Variants in SPAG17 observed in about 807,000 individuals in gnomAD.
SPAG17 encodes sperm associated antigen 17.
SPAG17 carries 169 observed loss-of-function variants against 273.6 expected under a neutral mutation model. The ratio of observed to expected loss-of-function variants is 0.62; its 90% CI spans 0.55 to 0.70. SPAG17 has a LOEUF of 0.70. Among genes scored for constraint, SPAG17 ranks in the 30% least tolerant of loss-of-function variants. SPAG17 has a pLI of 0.00. For missense variants in SPAG17, 2,557 were observed against 2,627.8 expected (o/e 0.97, Z 0.59); for synonymous variants, 825 against 873.2 (o/e 0.94, Z 0.97).
In SPAG17 at chr1:118,048,598, A is replaced by G. The variant is rs1423960029; in HGVS notation, c.2814+5404T>C. On this transcript the variant is annotated intron_variant, in intron 20 of 48. Coordinates refer to ENST00000336338, the MANE Select transcript of SPAG17 (RefSeq NM_206996.4). The stretch of plus-strand genomic sequence containing the variant: ...AGGAGGAGACATTACAAATGGTACC[A>G]AAGAAATACAAAGGATCAGCCGGGC... Among the ~76,000 whole-genome samples the G allele has an allele frequency of 2.0e-5, 3 of 152,212 alleles. No individual in the cohort carries two copies. The East Asian group carries it at 5.8e-4, about 29-fold the overall frequency.
At chr1:118,121,580 C>T (rs1657422781) in intron 3 of SPAG17, among the ~76,000 whole-genome samples, 1 of 152,040 alleles carries the variant, frequency 6.6e-6, no homozygotes, top group Non-Finnish European at 1.5e-5. Flanking sequence ...TAGTTGTGTG[C>T]TCCTTATGAG....
chr1:118,068,835 C>A (rs1290155669), intron 17 of SPAG17, among the ~76,000 whole-genome samples: 1 of 152,210 alleles, frequency 6.6e-6, no homozygotes, highest in African/African-American at 2.4e-5. Flanking sequence ...CCCAGGCTGG[C>A]CCCTAAAGCT....
intron 32 of SPAG17, among the ~76,000 whole-genome samples, chr1:118,000,739 TC>T (rs1658184893): frequency 1.3e-5 from 2 of 152,216 alleles, no homozygotes; most frequent in Admixed American, 1.3e-4. Context: ...GATGGGGTTT[TC>T]TAAATATACA....
intron 3 of SPAG17, among the ~76,000 whole-genome samples, chr1:118,120,474 G>A (rs1657360339): frequency 6.6e-6 from 1 of 152,006 alleles, no homozygotes; most frequent in South Asian, 2.1e-4. Flanking sequence ...CTTATTTTAT[G>A]CCCAAACTGA....
intron 43 of SPAG17, among the ~76,000 whole-genome samples, chr1:117,977,139 G>T (rs538318491): frequency 6.9e-6 from 1 of 145,846 alleles, no homozygotes; most frequent in Non-Finnish European, 1.5e-5. Context: ...GTGAAACCCC[G>T]TCTCTACTAA....
chr1:118,013,381 C>T (rs949836719), intron 29 of SPAG17, among the ~76,000 whole-genome samples: 1 of 152,034 alleles, frequency 6.6e-6, no homozygotes, highest in Non-Finnish European at 1.5e-5. Flanking sequence ...AAATGAATGC[C>T]GATCATTATT....
At chr1:118,108,469 A>C (rs1217810531) in intron 4 of SPAG17, among the ~76,000 whole-genome samples, 3 of 152,148 alleles carry the variant, frequency 2.0e-5, no homozygotes, top group Admixed American at 6.5e-5. Flanking sequence ...CTAAGTTATA[A>C]ACTCAAGTTA....
chr1:118,125,245 A>ATATATATTTTTTT (rs146004766), intron 3 of SPAG17, among the ~76,000 whole-genome samples: 1 of 150,750 alleles, frequency 6.6e-6, no homozygotes, highest in African/African-American at 2.5e-5. Context: ...ATATATATAT[A>ATATATATTTTTTT]TTTTTGACAT....
At position 118,152,162 on chromosome 1, in the gene SPAG17, C is replaced by T. The variant is rs184452631; in HGVS notation, c.88-793G>A. ...TAGGGAGAGATGAAACAAACAAACACGATAAAGACATCAGAAAAGAGAGGG... is the reference window on the plus strand; with the variant it reads ...TAGGGAGAGATGAAACAAACAAACATGATAAAGACATCAGAAAAGAGAGGG... On this transcript the variant is annotated intron_variant, in intron 1 of 48. Coordinates refer to ENST00000336338, the MANE Select transcript of SPAG17 (RefSeq NM_206996.4). 9.2e-5 allele frequency among the ~76,000 whole-genome samples: 14 copies of T among 152,102 alleles called. No homozygotes were observed. The East Asian group carries it at 2.1e-3, about 23-fold the overall frequency.
intron 3 of SPAG17, among the ~76,000 whole-genome samples, chr1:118,132,593 T>C (rs1316209223): frequency 6.6e-6 from 1 of 152,326 alleles, no homozygotes; most frequent in Non-Finnish European, 1.5e-5. Context: ...TAGCTTTGTG[T>C]AATGGTAAAC....
At chr1:118,180,541 T>C (rs1660892921) in intron 1 of SPAG17, among the ~76,000 whole-genome samples, 1 of 152,106 alleles carries the variant, frequency 6.6e-6, no homozygotes, top group South Asian at 2.1e-4. Context: ...AGAGTGACTA[T>C]AATTTACAAT....
chr1:118,085,930 CAAAAGTGCATAAGCTCATG>C lies in SPAG17; in HGVS notation c.1735_1753del (p.His579ValfsTer6), dbSNP rs574016418. The C allele has an allele frequency of 1.7e-5, 27 of 1,603,914 alleles. No individual in the cohort carries two copies. In the African/African-American group the frequency reaches 3.4e-4, roughly 20 times the overall value. ...CAAAGCAATGGACTCACCACTCGTACAAAAGTGCATAAGCTCATGAATTGTAGCTAGACGTTTAGTGTTG... is the reference window on the plus strand; with the variant it reads ...CAAAGCAATGGACTCACCACTCGTACAATTGTAGCTAGACGTTTAGTGTTG... On this transcript the variant is annotated frameshift_variant, in exon 13 of 49. Transcript: ENST00000336338. LOFTEE classifies it high-confidence loss of function.
At chr1:117,972,850 T>A (rs901909394) in intron 44 of SPAG17, among the ~76,000 whole-genome samples, 11 of 152,280 alleles carry the variant, frequency 7.2e-5, no homozygotes, top group African/African-American at 2.4e-4. Context: ...ATCTTAATCT[T>A]AGGGGCTCTG....
rs530228629 is a variant in SPAG17, at chr1:117,999,652, G to T, written c.4777-2909C>A. On this transcript the variant is annotated intron_variant, in intron 32 of 48. Coordinates refer to ENST00000336338, the MANE Select transcript of SPAG17 (RefSeq NM_206996.4). ...TTTGAGAAGTGTCTGTTCATATCCT[G>T]TGCCCACTTTTTGATGGGGTTGTTT... Among the ~76,000 whole-genome samples, 308 of 152,086 alleles carry T rather than the reference G, an allele frequency of 2.0e-3. 2 individuals are homozygous for T. The highest frequency in any genetic ancestry group is 7.2e-3 in the African/African-American group (300 of 41,508).
chr1:118,180,992 T>C (rs910272478), intron 1 of SPAG17, among the ~76,000 whole-genome samples: 8 of 152,036 alleles, frequency 5.3e-5, no homozygotes, highest in Non-Finnish European at 1.0e-4. Flanking sequence ...ATTTGTGACA[T>C]CATAAGTCAT....
At chr1:118,179,379 G>C (rs1660838466) in intron 1 of SPAG17, among the ~76,000 whole-genome samples, 1 of 151,910 alleles carries the variant, frequency 6.6e-6, no homozygotes, top group Non-Finnish European at 1.5e-5. Context: ...GGGAAAACTG[G>C]ATATCCATAT....
intron 15 of SPAG17, among the ~76,000 whole-genome samples, chr1:118,075,221 C>T (rs531953472): frequency 3.9e-5 from 6 of 152,166 alleles, no homozygotes; most frequent in Non-Finnish European, 8.8e-5. Flanking sequence ...ATAAATGAAG[C>T]GGTACCTGGA....
intron 3 of SPAG17, among the ~76,000 whole-genome samples, chr1:118,118,317 ATG>A (rs1162082517): frequency 6.6e-6 from 1 of 152,186 alleles, no homozygotes; most frequent in Non-Finnish European, 1.5e-5. Context: ...ACCTGTGCAT[ATG>A]TGTGTGCACT....
At chr1:118,109,544 A>C (rs1461892704) in intron 4 of SPAG17, among the ~76,000 whole-genome samples, 2 of 129,714 alleles carry the variant, frequency 1.5e-5, no homozygotes, top group African/African-American at 5.6e-5. Context: ...AACAGAGTGA[A>C]ACTCTGTCTC....
Sources: allele counts gnomAD v4.1 joint callset (sites outside exome capture counted in the v4.1 genomes callset), GRCh38; gene constraint gnomAD v4.1.1; transcripts MANE v1.5; gene names NCBI Gene and HGNC (gene_info 2026-07-23, HGNC 2026-07-21).